The following LAMA2 variants were observed in gnomAD, a reference collection of about 807,000 sequenced individuals.
The protein encoded by LAMA2 is laminin subunit alpha 2.
A neutral mutation model predicts 364.8 loss-of-function variants in LAMA2; 269 were observed. The ratio of observed to expected loss-of-function variants is 0.74; its 90% CI spans 0.67 to 0.82. LAMA2 has a LOEUF of 0.82. LAMA2 is among the 40% of genes least tolerant of loss of function. The pLI is 0.00. For synonymous variants in LAMA2, 1,379 were observed against 1,370.6 expected, an observed-to-expected ratio of 1.01 and a Z score of -0.14; for missense variants, 3,807 against 3,873.2, an observed-to-expected ratio of 0.98 and a Z score of 0.45.
chr6:129,372,227 T>C (rs1778130370), intron 34 of LAMA2, among the ~76,000 whole-genome samples: 1 of 152,162 alleles, frequency 6.6e-6, no homozygotes, highest in Admixed American at 6.5e-5. Flanking sequence ...AAAAATGCAT[T>C]ATGACATGTG....
chr6:129,352,622 T>A (rs1022724198), intron 31 of LAMA2, among the ~76,000 whole-genome samples: 1 of 152,166 alleles, frequency 6.6e-6, no homozygotes, highest in African/African-American at 2.4e-5. Context: ...CAGAAGTCAA[T>A]ATAGAATTGC....
chr6:129,418,470 T>C (rs1780911629), intron 40 of LAMA2, among the ~76,000 whole-genome samples: 1 of 152,142 alleles, frequency 6.6e-6, no homozygotes, highest in South Asian at 2.1e-4. Flanking sequence ...AAGATATTTA[T>C]ATTACCCTAA....
rs145622088 is a variant in LAMA2 at position 129,260,735 on chromosome 6, C to T, written c.2121C>T (p.Ser707=). 1.2e-4 allele frequency: 194 copies of T among 1,611,986 alleles called. No homozygotes were observed. The highest frequency in any genetic ancestry group is 6.4e-4 in the African/African-American group (48 of 74,934). The part of the protein sequence containing the change: ...IFRLSSVNLE[S]AVSYPTDGSI... ...GGTTGAGCTCTGTTAACCTTGAATC[C>T]GCTGTCTCCTATCCTACTGATGGAA... is the stretch of plus-strand genomic sequence containing the variant. Residue 707 remains serine, a synonymous_variant, in exon 15 of 65, where the codon TCC becomes TCT. Transcript: ENST00000421865.
chr6:129,281,149 A>T (rs1476969161), intron 18 of LAMA2, among the ~76,000 whole-genome samples: 1 of 152,166 alleles, frequency 6.6e-6, no homozygotes, highest in Admixed American at 6.6e-5. Context: ...ATTAGGAATG[A>T]AAGAAAAAAA....
intron 20 of LAMA2, among the ~76,000 whole-genome samples, chr6:129,297,014 A>G (rs1016359198): frequency 3.9e-5 from 6 of 152,342 alleles, no homozygotes; most frequent in African/African-American, 1.4e-4. Flanking sequence ...TCAGAGAATG[A>G]AAGTTTACTT....
At position 129,422,311 on chromosome 6, in the gene LAMA2, CA is replaced by C. The variant is rs1356327481; in HGVS notation, c.5866-5438del. On this transcript the variant is annotated intron_variant, in intron 40 of 64. Transcript: ENST00000421865. ...CAGGGAAAAAAAAATTGCCTGGAAGCAAAGAGCAGGTGATATTCAGAAATGC... is the reference window on the plus strand; with the variant it reads ...CAGGGAAAAAAAAATTGCCTGGAAGCAAGAGCAGGTGATATTCAGAAATGC... 2.0e-5 allele frequency among the ~76,000 whole-genome samples: 3 copies of C among 152,146 alleles called. No homozygotes were observed. The East Asian group carries it at 5.8e-4, about 29-fold the overall frequency.
chr6:128,942,998 T>C (rs1780253515), intron 1 of LAMA2, among the ~76,000 whole-genome samples: 1 of 152,216 alleles, frequency 6.6e-6, no homozygotes, highest in Non-Finnish European at 1.5e-5. Flanking sequence ...TTGTCATCAG[T>C]TCTATGTGCT....
intron 1 of LAMA2, among the ~76,000 whole-genome samples, chr6:128,977,511 C>T (rs1360845748): frequency 6.6e-6 from 1 of 152,154 alleles, no homozygotes; most frequent in Non-Finnish European, 1.5e-5. Context: ...ATCCTTCTGC[C>T]TCAGCCTTTC....
At chr6:128,970,288 A>T (rs932305908) in intron 1 of LAMA2, among the ~76,000 whole-genome samples, 4 of 152,224 alleles carry the variant, frequency 2.6e-5, no homozygotes, top group Non-Finnish European at 5.9e-5. Context: ...GGTTTAAAAA[A>T]ATTTGCTTGA....
At chr6:129,355,757 T>C (rs945131197) in intron 32 of LAMA2, among the ~76,000 whole-genome samples, 3 of 152,186 alleles carry the variant, frequency 2.0e-5, no homozygotes, top group African/African-American at 7.2e-5. Context: ...TAGTAGCATG[T>C]ATTGTACAAG....
chr6:128,929,345 G>A (rs1409256146), intron 1 of LAMA2: 4 of 1,113,452 alleles, frequency 3.6e-6, no homozygotes, highest in African/African-American at 3.1e-5. Context: ...CCCAAAGACT[G>A]GGGTGAGACC....
chr6:128,990,041 T>C (rs566947916), intron 1 of LAMA2, among the ~76,000 whole-genome samples: 2 of 152,346 alleles, frequency 1.3e-5, no homozygotes, highest in African/African-American at 2.4e-5. Flanking sequence ...ATTCATAACA[T>C]AGAAAATACA....
intron 3 of LAMA2, among the ~76,000 whole-genome samples, chr6:129,091,635 C>T (rs1259532504): frequency 6.6e-6 from 1 of 152,082 alleles, no homozygotes; most frequent in African/African-American, 2.4e-5. Context: ...AATCGTTTCA[C>T]TATATGTGAA....
chr6:129,195,853 A>C (rs1781806732), intron 12 of LAMA2, among the ~76,000 whole-genome samples: 1 of 152,140 alleles, frequency 6.6e-6, no homozygotes, highest in Admixed American at 6.5e-5. Context: ...AGTTGGGATA[A>C]TTTACTGCCC....
At chr6:129,248,991 T>C (rs191975368) in intron 12 of LAMA2, among the ~76,000 whole-genome samples, 1 of 152,318 alleles carries the variant, frequency 6.6e-6, no homozygotes, top group Non-Finnish European at 1.5e-5. Flanking sequence ...TTTAAGTTCC[T>C]TATAGAGCCC....
rs1419887056 is a variant in LAMA2 at position 129,280,058 on chromosome 6, T to A, written c.2451-3T>A. ...CCTGTTTTCCGCAACAACATCAACA[T>A]AGCTTTAGCCCAACGTGCCATTTAG... On this transcript the variant is annotated splice_polypyrimidine_tract_variant and splice_region_variant and intron_variant, in intron 17 of 64. Transcript: ENST00000421865. The A allele has an allele frequency of 6.2e-7, 1 of 1,608,020 alleles. No homozygotes were observed. Among genetic ancestry groups the A allele is most frequent in the Non-Finnish European group, 8.5e-7 (1 of 1,174,716 alleles).
At chr6:129,282,525 T>C (rs1214667903) in intron 18 of LAMA2, among the ~76,000 whole-genome samples, 1 of 152,124 alleles carries the variant, frequency 6.6e-6, no homozygotes. Context: ...AGGCCTTATA[T>C]GCAAGGGTAG....
intron 32 of LAMA2, among the ~76,000 whole-genome samples, chr6:129,362,269 C>A (rs1777509296): frequency 6.6e-6 from 1 of 152,146 alleles, no homozygotes; most frequent in Non-Finnish European, 1.5e-5. Context: ...ACAGTCTCTG[C>A]CTCTGCAATC....
chr6:128,967,758 G>C (rs1314629312), intron 1 of LAMA2, among the ~76,000 whole-genome samples: 1 of 152,010 alleles, frequency 6.6e-6, no homozygotes, highest in African/African-American at 2.4e-5. Flanking sequence ...ACTGCTCAGG[G>C]GATGATGAAA....
Sources: allele counts gnomAD v4.1 joint callset (sites outside exome capture counted in the v4.1 genomes callset), GRCh38; gene constraint gnomAD v4.1.1; transcripts MANE v1.5; gene names NCBI Gene and HGNC (gene_info 2026-07-23, HGNC 2026-07-21).